Variants in PIDD1 observed in about 807,000 individuals in gnomAD.
The protein encoded by PIDD1 is p53-induced death domain protein 1.
In PIDD1, 72 loss-of-function variants were observed where a neutral mutation model predicts 80.0. That is an observed-to-expected ratio of 0.90 (90% CI 0.74 to 1.09). PIDD1 has a LOEUF of 1.09. Ranked by LOEUF, PIDD1 falls within the 50% of genes least tolerant of loss-of-function variation. The pLI, the probability that PIDD1 is intolerant of heterozygous loss-of-function variation, is 0.00. For synonymous variants in PIDD1, 655 were observed against 543.5 expected, an observed-to-expected ratio of 1.21 and a Z score of -2.85; for missense variants, 1,329 against 1,228.3, an observed-to-expected ratio of 1.08 and a Z score of -1.23.
chr11:804,362 C>A lies in PIDD1; in HGVS notation c.27G>T (p.Glu9Asp). ...CTCCTGCGGCAGCAGCTGCCTCCAG[C>A]TCTGGCCCCTCCACCGTTGCAGCCA... Reference protein sequence around the residue: MAATVEGPELEAAAAAGDA... With the variant: MAATVEGPDLEAAAAAGDA... Residue 9 changes from glutamate to aspartate, a missense_variant, in exon 2 of 16, where the codon GAG becomes GAT. Coordinates refer to ENST00000347755, the MANE Select transcript of PIDD1 (RefSeq NM_145886.4). 1 of 1,601,832 alleles carries A rather than the reference C, an allele frequency of 6.2e-7. No individual in the cohort carries two copies. Among genetic ancestry groups the A allele is most frequent in the South Asian group, 1.1e-5 (1 of 90,452 alleles).
chr11:802,231 C>A lies in PIDD1; in HGVS notation c.1140G>T (p.Val380=). The change falls in exon 6 of 16, where the codon GTG becomes GTT. Residue 380 remains valine, a synonymous_variant. Coordinates refer to ENST00000347755, the MANE Select transcript of PIDD1 (RefSeq NM_145886.4). ...LGPHDALLSH[V]LELQPHGVAF... ...CCACCCCATGGGGCTGCAGCTCCAG[C>A]ACATGGCTGAGCAGGGCGTCATGAG... is the stretch of plus-strand genomic sequence containing the variant. The A allele has an allele frequency of 1.2e-6, 2 of 1,611,368 alleles. No homozygotes were observed. The highest frequency in any genetic ancestry group is 1.7e-6 in the Non-Finnish European group (2 of 1,179,336).
chr11:801,412 G>A lies in PIDD1; in HGVS notation c.1482+33C>T, dbSNP rs763492145. The A allele has an allele frequency of 1.6e-5, 26 of 1,575,782 alleles. 1 individual carries two copies. The highest frequency in any genetic ancestry group is 4.5e-5 in the East Asian group (2 of 44,214). On this transcript the variant is annotated intron_variant, in intron 8 of 15. Coordinates refer to ENST00000347755, the MANE Select transcript of PIDD1 (RefSeq NM_145886.4). ...AGCACCTGCCTGTGGGCTGAGGCGC[G>A]GCCTGCCACCCTCAGTGCTGTCCTG...
upstream of PIDD1, among the ~76,000 whole-genome samples, chr11:808,016 C>T (rs968064394): frequency 2.0e-5 from 3 of 152,008 alleles, no homozygotes; most frequent in Non-Finnish European, 4.4e-5. Context: ...TTCAGTCTTA[C>T]GGGGTGCTAC....
chr11:802,354 A>G lies in PIDD1; in HGVS notation c.1017T>C (p.Cys339=), dbSNP rs766252111. 3 of 1,611,812 alleles carry G rather than the reference A, an allele frequency of 1.9e-6. No individual in the cohort carries two copies. In the African/African-American group the frequency reaches 4.0e-5, roughly 22 times the overall value. ...TPQGCSVTLA[C]GVRLQFPAGA... is the part of the protein sequence containing the mutation. ...CCGCTGGGAACTGCAGGCGGACGCC[A>G]CAGGCCAGGGTCACTGAGCAGCCTT... The change falls in exon 6 of 16, where the codon TGT becomes TGC. Residue 339 remains cysteine, a synonymous_variant. Transcript: ENST00000347755.
chr11:799,591 G>A (rs764933116), intron 15 of PIDD1, 26 bp from the exon 16 acceptor site: 28 of 1,572,850 alleles, frequency 1.8e-5, no homozygotes, highest in Non-Finnish European at 2.6e-6. Context: ...GGGCGACAGA[G>A]GGGTCCTGTC....
chr11:805,176 T>TACCTGCGCTGCAGGCGGCGCGC lies in PIDD1; in HGVS notation c.-95_-76+2dup. 1 of 980,654 alleles carries TACCTGCGCTGCAGGCGGCGCGC rather than the reference T, an allele frequency of 1.0e-6. No individual in the cohort carries two copies. The highest frequency in any genetic ancestry group is 1.2e-6 in the Non-Finnish European group (1 of 825,868). 60.7% of individuals were successfully genotyped at this position (980,654 alleles called of 1,614,324 possible). A position where few individuals can be genotyped will look rare whatever the true frequency, so the allele number is the denominator to read the frequency against. On this transcript the variant is annotated splice_region_variant and intron_variant, in intron 1 of 15. Coordinates refer to ENST00000347755, the MANE Select transcript of PIDD1 (RefSeq NM_145886.4). ...CCCTCCGCCCGCCCAGGCCGGCGCG[T>TACCTGCGCTGCAGGCGGCGCGC]ACCTGCGCTGCAGGCGGCGCGCAAA...
intron 6 of PIDD1, 24 bp from the exon 7 acceptor site, chr11:802,114 C>G: frequency 6.4e-7 from 1 of 1,568,670 alleles, no homozygotes; most frequent in South Asian, 1.2e-5. Context: ...ATGGTGTGAG[C>G]ACTGGAGCCA....
chr11:801,688 G>A (rs573351288), intron 7 of PIDD1, 64 bp from the exon 8 acceptor site: 8 of 1,384,558 alleles, frequency 5.8e-6, no homozygotes, highest in South Asian at 5.0e-5. Flanking sequence ...CAGGGACACA[G>A]GGAGCAGGAT....
intron 7 of PIDD1, 164 bp downstream of exon 7, chr11:801,801 T>C: frequency 1.0e-6 from 1 of 988,852 alleles, no homozygotes; most frequent in South Asian, 1.4e-5. Flanking sequence ...GGAAGCAGGA[T>C]CCAGGAGGGA....
Position 800,618 on chromosome 11 carries a change from G to A in PIDD1, c.1966C>T (p.Pro656Ser). Residue 656 changes from proline to serine, a missense_variant, in exon 12 of 16, where the codon CCC becomes TCC. By Grantham distance (74) the Pro-to-Ser change is moderately conservative (BLOSUM62 -1). Coordinates refer to ENST00000347755, the MANE Select transcript of PIDD1 (RefSeq NM_145886.4). ...TCGAACATCTCCACCGTGTCAGAGG[G>A]CTCGGGGCCCCGGTACCGCTCCAGC... is the stretch of plus-strand genomic sequence containing the variant. Reference protein sequence around the residue: ...RLLERYRGPEPSDTVEMFEGE... With the variant: ...RLLERYRGPESSDTVEMFEGE... 1 of 1,602,518 alleles carries A rather than the reference G, an allele frequency of 6.2e-7. No homozygotes were observed. Among genetic ancestry groups the A allele is most frequent in the Non-Finnish European group, 8.5e-7 (1 of 1,178,892 alleles).
upstream of PIDD1, among the ~76,000 whole-genome samples, chr11:808,421 C>CAAAAAAAA (rs756629213): frequency 3.7e-3 from 539 of 144,830 alleles, 1 homozygote; most frequent in Non-Finnish European, 6.1e-3. Flanking sequence ...TGGGACTCCT[C>CAAAAAAAA]AGAAAAAAAG....
rs944780643 is a variant in PIDD1 at position 802,969 on chromosome 11, G to A, written c.710-78C>T. On this transcript the variant is annotated intron_variant, in intron 3 of 15. Coordinates refer to ENST00000347755, the MANE Select transcript of PIDD1 (RefSeq NM_145886.4). ...GACACTCCTGCTGCCGCCTCCCAGA[G>A]CAGCTGTTTCAGACTCTCCTCCACA... is the stretch of plus-strand genomic sequence containing the variant. The A allele has an allele frequency of 5.4e-6, 7 of 1,302,068 alleles. No individual in the cohort carries two copies. In the Admixed American group the frequency reaches 6.3e-5, roughly 12 times the overall value. 80.7% of individuals were successfully genotyped at this position (1,302,068 alleles called of 1,614,324 possible). A position where few individuals can be genotyped will look rare whatever the true frequency, so the allele number is the denominator to read the frequency against.
chr11:808,214 G>A (rs948866713), upstream of PIDD1, among the ~76,000 whole-genome samples: 6 of 150,668 alleles, frequency 4.0e-5, no homozygotes, highest in Non-Finnish European at 8.9e-5. Flanking sequence ...ATCACTTGAA[G>A]TCAGGAGTTT....
chr11:802,721 G>C lies in PIDD1; in HGVS notation c.880C>G (p.Pro294Ala), dbSNP rs1473430430. The change falls in exon 4 of 16, where the codon CCC (proline) becomes GCC (alanine). Residue 294 changes from proline (P) to alanine (A), a missense_variant. Coordinates refer to ENST00000347755, the MANE Select transcript of PIDD1 (RefSeq NM_145886.4). Reference protein sequence around the residue: ...DAPFVRLQGNPLGEASPDAPS... With the variant: ...DAPFVRLQGNALGEASPDAPS... ...GCGTCTGGCGAGGCCTCACCCAGGG[G>C]GTTCCCCTGCAGGCGCACAAAGGGG... 1.2e-6 allele frequency: 2 copies of C among 1,611,890 alleles called. No individual in the cohort carries two copies. Among genetic ancestry groups the C allele is most frequent in the South Asian group, 1.1e-5 (1 of 90,808 alleles).
chr11:807,861 G>A (rs141898445), upstream of PIDD1, among the ~76,000 whole-genome samples: 650 of 152,264 alleles, frequency 4.3e-3, 2 homozygotes, highest in Non-Finnish European at 7.6e-3. Context: ...ATGTTCCCAG[G>A]ACGCAATCCT....
upstream of PIDD1, among the ~76,000 whole-genome samples, chr11:808,255 C>T (rs938943822): frequency 7.9e-5 from 12 of 151,378 alleles, no homozygotes; most frequent in African/African-American, 2.4e-4. Flanking sequence ...GGTGAAACCC[C>T]GTCTGTACTA....
At chr11:799,616 C>T in intron 15 of PIDD1, 51 bp from the exon 16 acceptor site, 2 of 1,530,990 alleles carry the variant, frequency 1.3e-6, no homozygotes, top group South Asian at 1.2e-5. Flanking sequence ...TGCCCAGGAC[C>T]CCCCACCACA....
chr11:801,481 A>T lies in PIDD1; in HGVS notation c.1446T>A (p.Pro482=), dbSNP rs775887088. 6 of 1,546,062 alleles carry T rather than the reference A, an allele frequency of 3.9e-6. No homozygotes were observed. Among genetic ancestry groups the T allele is most frequent in the Non-Finnish European group, 5.2e-6 (6 of 1,143,792 alleles). ...CTCGACGAGGCTCCTCAGTGGCCCCAGGGGGGAAGATGACTTTGACCCCAG... is the reference window on the plus strand; with the variant it reads ...CTCGACGAGGCTCCTCAGTGGCCCCTGGGGGGAAGATGACTTTGACCCCAG... ...GHPGVKVIFP[P]GATEEPRRVS... is the part of the protein sequence containing the mutation. Residue 482 remains proline (P), a synonymous_variant, in exon 8 of 16, where the codon CCT becomes CCA. Transcript: ENST00000347755.
upstream of PIDD1, among the ~76,000 whole-genome samples, chr11:807,243 C>A (rs552331138): frequency 7.2e-4 from 108 of 150,232 alleles, no homozygotes; most frequent in Middle Eastern, 0.018. Flanking sequence ...GTAATTCCAG[C>A]ACTTTGGGAG....
Sources: gnomAD v4.1 joint callset for allele counts (sites outside exome capture counted in the v4.1 genomes callset) on GRCh38, gnomAD v4.1.1 for gene constraint, MANE v1.5 for transcripts, NCBI Gene and HGNC (gene_info 2026-07-23, HGNC 2026-07-21) for gene names.